Variants in CTNNA3 observed in about 807,000 individuals in gnomAD.
The protein encoded by CTNNA3 is catenin alpha 3.
Under a neutral mutation model 95.7 loss-of-function variants are expected in CTNNA3, and 76 were observed. That is an observed-to-expected ratio of 0.79 (90% CI 0.66 to 0.96). The LOEUF (loss-of-function observed/expected upper bound fraction) is 0.96, where lower values mean the gene tolerates loss of function less well. Among genes scored for constraint, CTNNA3 ranks in the 40% least tolerant of loss-of-function variants. The pLI is 0.00. For synonymous variants in CTNNA3, 431 were observed against 374.4 expected, an observed-to-expected ratio of 1.15 and a Z score of -1.74; for missense variants, 1,191 against 1,089.8, an observed-to-expected ratio of 1.09 and a Z score of -1.31.
At chr10:67,211,810 T>C (rs912351306) in intron 6 of CTNNA3, among the ~76,000 whole-genome samples, 4 of 152,156 alleles carry the variant, frequency 2.6e-5, no homozygotes, top group Non-Finnish European at 5.9e-5. Context: ...GTTATAACTC[T>C]TCTAATTCCT....
chr10:67,686,001 T>C (rs941282353), intron 1 of CTNNA3, among the ~76,000 whole-genome samples: 2 of 152,200 alleles, frequency 1.3e-5, no homozygotes, highest in African/African-American at 4.8e-5. Flanking sequence ...TTTCTCTCCA[T>C]CTTTTCTCTC....
At chr10:66,674,873 GA>G (rs1380341631) in intron 9 of CTNNA3, among the ~76,000 whole-genome samples, 6 of 151,970 alleles carry the variant, frequency 3.9e-5, no homozygotes, top group Non-Finnish European at 5.9e-5. Context: ...GCATATGCTG[GA>G]AATGAACCTG....
chr10:66,664,253 C>T (rs1365694339), intron 9 of CTNNA3, among the ~76,000 whole-genome samples: 1 of 152,046 alleles, frequency 6.6e-6, no homozygotes, highest in Non-Finnish European at 1.5e-5. Context: ...AAAATGAAAG[C>T]TCCTGATACT....
At position 66,396,054 on chromosome 10, in the gene CTNNA3, C is replaced by T. The variant is rs557133983; in HGVS notation, c.1532-16702G>A. ...TTGTGGTACTTGATTTTCTGTTTCT[C>T]AGTTATTTCACTTAGATTAATGCCC... On this transcript the variant is annotated intron_variant, in intron 11 of 17. Coordinates refer to ENST00000433211, the MANE Select transcript of CTNNA3 (RefSeq NM_013266.4). 2.7e-4 allele frequency among the ~76,000 whole-genome samples: 41 copies of T among 152,034 alleles called. No homozygotes were observed. The South Asian group carries it at 7.9e-3, about 29-fold the overall frequency.
chr10:67,471,934 A>T (rs910896271), intron 5 of CTNNA3, among the ~76,000 whole-genome samples: 2 of 152,236 alleles, frequency 1.3e-5, no homozygotes, highest in African/African-American at 4.8e-5. Context: ...GATGGAAACC[A>T]TTGCTCTTTA....
At chr10:66,690,432 G>T (rs939802842) in intron 9 of CTNNA3, among the ~76,000 whole-genome samples, 3 of 151,208 alleles carry the variant, frequency 2.0e-5, no homozygotes, top group East Asian at 3.9e-4. Context: ...CCATTAACTC[G>T]TCATTTAGCA....
intron 1 of CTNNA3, among the ~76,000 whole-genome samples, chr10:67,712,747 C>T (rs1229499478): frequency 6.6e-6 from 1 of 152,212 alleles, no homozygotes; most frequent in South Asian, 2.1e-4. Context: ...AAAACTGAAA[C>T]TGGACCTCGT....
At chr10:67,323,261 CT>C (rs1367959316) in intron 5 of CTNNA3, among the ~76,000 whole-genome samples, 1 of 152,052 alleles carries the variant, frequency 6.6e-6, no homozygotes, top group Non-Finnish European at 1.5e-5. Flanking sequence ...GTTGCAATTG[CT>C]TTTGGTGTCT....
At position 66,006,486 on chromosome 10, in the gene CTNNA3, T is replaced by G. The variant is rs544998280; in HGVS notation, c.2160-17689A>C. Among the ~76,000 whole-genome samples the G allele has an allele frequency of 2.8e-4, 43 of 152,282 alleles. No homozygotes were observed. In the South Asian group the frequency reaches 8.7e-3, roughly 31 times the overall value. ...AGCACCAACATTTGAAAACAGGTCT[T>G]TTCTTGCCTTCCACACATTACTTCT... On this transcript the variant is annotated intron_variant, in intron 15 of 17. Transcript: ENST00000433211.
chr10:66,050,663 T>C (rs1025014348), intron 15 of CTNNA3, among the ~76,000 whole-genome samples: 4 of 152,166 alleles, frequency 2.6e-5, no homozygotes, highest in Non-Finnish European at 2.9e-5. Flanking sequence ...ATTCACACCA[T>C]GTTATCTCCT....
intron 13 of CTNNA3, among the ~76,000 whole-genome samples, chr10:66,233,168 A>G (rs2089677494): frequency 3.2e-5 from 1 of 31,574 alleles, no homozygotes; most frequent in Admixed American, 5.1e-4. Context: ...TCAAAAAAAA[A>G]AAAAAAAAAA....
intron 9 of CTNNA3, among the ~76,000 whole-genome samples, chr10:66,698,009 G>A (rs767475229): frequency 2.0e-5 from 3 of 152,098 alleles, no homozygotes; most frequent in Admixed American, 1.3e-4. Context: ...AAGGAAACAG[G>A]CCTTCTGAAC....
chr10:66,799,932 GA>G (rs540390087), intron 7 of CTNNA3, among the ~76,000 whole-genome samples: 7 of 147,798 alleles, frequency 4.7e-5, no homozygotes, highest in Admixed American at 6.8e-5. Context: ...AGTACTTAAA[GA>G]AAAAAAAAAT....
intron 12 of CTNNA3, among the ~76,000 whole-genome samples, chr10:66,353,510 C>A (rs1208320850): frequency 1.3e-5 from 2 of 152,010 alleles, no homozygotes; most frequent in African/African-American, 4.8e-5. Context: ...AGAATCAAGT[C>A]ATAGCTTTTG....
At chr10:67,718,099 C>G (rs970987724) in intron 1 of CTNNA3, among the ~76,000 whole-genome samples, 1 of 152,148 alleles carries the variant, frequency 6.6e-6, no homozygotes, top group Non-Finnish European at 1.5e-5. Flanking sequence ...AGGGAGTTCA[C>G]TCATGATTTG....
chr10:66,190,058 T>C (rs1257478067), intron 13 of CTNNA3, among the ~76,000 whole-genome samples: 1 of 152,104 alleles, frequency 6.6e-6, no homozygotes, highest in East Asian at 1.9e-4. Context: ...CATGTGAAAC[T>C]ACAGAGCCAA....
At chr10:67,441,089 A>C (rs1487265689) in intron 5 of CTNNA3, among the ~76,000 whole-genome samples, 1 of 152,146 alleles carries the variant, frequency 6.6e-6, no homozygotes, top group Non-Finnish European at 1.5e-5. Flanking sequence ...CATCAGATAA[A>C]TTTAACAAAG....
In CTNNA3 at chr10:67,019,739, A is replaced by T. The variant is rs559116954; in HGVS notation, c.1047+160578T>A. On this transcript the variant is annotated intron_variant, in intron 7 of 17. Transcript: ENST00000433211. ...AAATAGTCTTAAAATAACCTCAGTT[A>T]ATCCTTTGTCTCCATGAATACCATC... is the stretch of plus-strand genomic sequence containing the variant. Among the ~76,000 whole-genome samples the T allele has an allele frequency of 1.1e-4, 17 of 152,262 alleles. No individual in the cohort carries two copies. The East Asian group carries it at 2.3e-3, about 21-fold the overall frequency.
intron 7 of CTNNA3, among the ~76,000 whole-genome samples, chr10:67,009,760 C>T (rs947875039): frequency 2.0e-5 from 3 of 152,120 alleles, no homozygotes; most frequent in African/African-American, 7.2e-5. Context: ...GACTTTTTTA[C>T]TCCATTCCTC....
Sources: allele counts gnomAD v4.1 joint callset (sites outside exome capture counted in the v4.1 genomes callset), GRCh38; gene constraint gnomAD v4.1.1; transcripts MANE v1.5; gene names NCBI Gene and HGNC (gene_info 2026-07-23, HGNC 2026-07-21).